Variants in SYNE1 observed in about 807,000 individuals in gnomAD.
SYNE1 encodes the protein spectrin repeat containing nuclear envelope protein 1, also known as nesprin-1.
A neutral mutation model predicts 1,111.0 loss-of-function variants in SYNE1; 616 were observed. The observed-to-expected ratio is 0.55, with a 90% CI of 0.52 to 0.59. The LOEUF is 0.59. Among genes scored for constraint, SYNE1 ranks in the 20% least tolerant of loss-of-function variants. The probability of loss-of-function intolerance (pLI) is 0.00; values close to 1 mark genes in which losing one functional copy is unlikely to be tolerated. For missense variants in SYNE1, 10,006 were observed against 10,417.0 expected (o/e 0.96, Z 1.72); for synonymous variants, 3,855 against 3,825.8 (o/e 1.01, Z -0.28).
chr6:152,546,585 A>G (rs780940967), intron 3 of SYNE1: 1 of 152,234 alleles, frequency 6.6e-6, no homozygotes, highest in Non-Finnish European at 1.5e-5. Flanking sequence ...ATCCTCGTGA[A>G]TAAGAAGTCA....
At chr6:152,337,296 T>C (rs1269957897) in intron 75 of SYNE1, among the ~76,000 whole-genome samples, 1 of 152,104 alleles carries the variant, frequency 6.6e-6, no homozygotes, top group East Asian at 1.9e-4. Context: ...TAATAATTTT[T>C]TTTTTTTTTT....
intron 64 of SYNE1, among the ~76,000 whole-genome samples, chr6:152,361,843 G>C (rs1422479843): frequency 1.1e-5 from 1 of 92,474 alleles, no homozygotes; most frequent in Admixed American, 1.1e-4. Flanking sequence ...AAAGGGATGT[G>C]ATAAAAAAAA....
chr6:152,223,240 T>A (rs892259306), intron 117 of SYNE1, among the ~76,000 whole-genome samples: 7 of 152,242 alleles, frequency 4.6e-5, no homozygotes. Flanking sequence ...GTTTTCGTGA[T>A]CCTTAGTAAC....
chr6:152,434,071 T>G (rs772764630), intron 33 of SYNE1, 126 bp from the exon 34 acceptor site: 37 of 915,678 alleles, frequency 4.0e-5, no homozygotes, highest in Non-Finnish European at 5.9e-5. Context: ...GTTGAAACTA[T>G]TCACGCTAAA....
chr6:152,509,045 T>G (rs983622831), intron 8 of SYNE1, among the ~76,000 whole-genome samples: 2 of 152,076 alleles, frequency 1.3e-5, no homozygotes, highest in African/African-American at 4.8e-5. Context: ...CAAATTTAGA[T>G]TACATTTAAG....
intron 48 of SYNE1, 139 bp downstream of exon 48, chr6:152,399,477 C>T (rs2097780630): frequency 1.9e-6 from 2 of 1,050,622 alleles, no homozygotes; most frequent in Non-Finnish European, 1.5e-6. Flanking sequence ...TTCTATTGCT[C>T]AAATCGCAAA....
chr6:152,234,005 G>C (rs767189045), intron 111 of SYNE1, 42 bp from the exon 112 acceptor site: 3 of 1,600,080 alleles, frequency 1.9e-6, no homozygotes, highest in Non-Finnish European at 2.6e-6. Context: ...TAAATAGCTA[G>C]ACCATTCATT....
chr6:152,318,518 G>T (rs2095792777), intron 85 of SYNE1, among the ~76,000 whole-genome samples: 1 of 152,194 alleles, frequency 6.6e-6, no homozygotes, highest in Non-Finnish European at 1.5e-5. Flanking sequence ...AAAAGGATTA[G>T]AGTCCCTGAA....
chr6:152,339,097 A>T, intron 75 of SYNE1, 144 bp downstream of exon 75: 1 of 1,114,638 alleles, frequency 9.0e-7, no homozygotes, highest in Admixed American at 2.3e-5. Flanking sequence ...TGAAATTCAA[A>T]TATCTATTTA....
At chr6:152,623,684 G>A (rs2099680284) in intron 3 of SYNE1, among the ~76,000 whole-genome samples, 3 of 151,876 alleles carry the variant, frequency 2.0e-5, no homozygotes, top group South Asian at 2.1e-4. Context: ...AAATCACAAT[G>A]CCATTAAAAA....
chr6:152,606,083 C>A (rs563875146), intron 3 of SYNE1, among the ~76,000 whole-genome samples: 2 of 152,260 alleles, frequency 1.3e-5, no homozygotes, highest in East Asian at 3.9e-4. Flanking sequence ...TGTTCACAGT[C>A]TGTGGCTTGG....
At chr6:152,504,336 T>C (rs1468812115) in intron 9 of SYNE1, among the ~76,000 whole-genome samples, 1 of 152,138 alleles carries the variant, frequency 6.6e-6, no homozygotes, top group East Asian at 1.9e-4. Flanking sequence ...TAACTGGGTC[T>C]CTGTAACTTA....
Position 152,125,407 on chromosome 6 carries a change from T to A in SYNE1, c.26154-2731A>T, listed in dbSNP as rs1477941752. 4.0e-6 allele frequency: 6 copies of A among 1,511,702 alleles called. No homozygotes were observed. In the East Asian group the frequency reaches 1.2e-4, roughly 31 times the overall value. 93.6% of individuals were successfully genotyped at this position (1,511,702 alleles called of 1,614,324 possible). A position where few individuals can be genotyped will look rare whatever the true frequency, so the allele number is the denominator to read the frequency against. On this transcript the variant is annotated intron_variant, in intron 145 of 145. Transcript: ENST00000367255. ...AGATCATCAAATCCGTGTGTGGACG[T>A]GGGGACATTTTGTTTTGAGGCAGTT...
At chr6:152,195,527 C>A (rs957063723) in intron 127 of SYNE1, among the ~76,000 whole-genome samples, 1 of 152,204 alleles carries the variant, frequency 6.6e-6, no homozygotes, top group Admixed American at 6.5e-5. Context: ...CACCCCAAGC[C>A]CACTAAAACT....
intron 87 of SYNE1, among the ~76,000 whole-genome samples, chr6:152,311,410 G>A (rs2095542194): frequency 6.6e-6 from 1 of 152,184 alleles, no homozygotes; most frequent in Admixed American, 6.5e-5. Context: ...ACTATCAAGA[G>A]AAGCAAAAAC....
In SYNE1 at chr6:152,347,080, C is replaced by T. The variant is rs144596829; in HGVS notation, c.12057G>A (p.Ala4019=). Reference sequence around the variant, plus strand: ...TCACCCTCTGAGCTGTGCTGCAGATCGCTGAGTAGCTGTCCTTTGTGCCCT... The same window carrying T: ...TCACCCTCTGAGCTGTGCTGCAGATTGCTGAGTAGCTGTCCTTTGTGCCCT... ...HLQGTKDSYS[A]ICSTAQRMYQ... The change falls in exon 73 of 146, where the codon GCG becomes GCA. Residue 4019 remains alanine (A), a synonymous_variant. Coordinates refer to ENST00000367255, the MANE Select transcript of SYNE1 (RefSeq NM_182961.4). 0.011 allele frequency: 17,785 copies of T among 1,614,170 alleles called. 126 individuals carry two copies. Among genetic ancestry groups the T allele is most frequent in the Non-Finnish European group, 0.013 (15,393 of 1,180,036 alleles).
At chr6:152,466,130 T>A (rs769172459) in intron 16 of SYNE1, 52 bp from the exon 17 acceptor site, 2 of 1,206,980 alleles carry the variant, frequency 1.7e-6, no homozygotes, top group Non-Finnish European at 2.5e-6. Context: ...TCATGTAGAA[T>A]GCCAAAGTCA....
rs1189136706 is a variant in SYNE1, at chr6:152,135,097, A to T, written c.25788+7T>A. ...AACTGGAGGCTGCCAGAGTTCACAC[A>T]TCTTACCATAAGCTGTTTGTGATGG... is the stretch of plus-strand genomic sequence containing the variant. On this transcript the variant is annotated splice_region_variant and intron_variant, in intron 142 of 145. Coordinates refer to ENST00000367255, the MANE Select transcript of SYNE1 (RefSeq NM_182961.4). 6.2e-7 allele frequency: 1 copy of T among 1,614,034 alleles called. No homozygotes were observed. Among genetic ancestry groups the T allele is most frequent in the South Asian group, 1.1e-5 (1 of 91,088 alleles).
chr6:152,376,940 C>A, intron 56 of SYNE1, 28 bp from the exon 57 acceptor site: 1 of 1,612,060 alleles, frequency 6.2e-7, no homozygotes, highest in Non-Finnish European at 8.5e-7. Flanking sequence ...GACAAAGAAG[C>A]GAGCACTTAC....
Sources: gnomAD v4.1 joint callset for allele counts (sites outside exome capture counted in the v4.1 genomes callset) on GRCh38, gnomAD v4.1.1 for gene constraint, MANE v1.5 for transcripts, NCBI Gene and HGNC (gene_info 2026-07-23, HGNC 2026-07-21) for gene names.